PPP2R2B: variants seen among roughly 807,000 people sequenced by gnomAD.
PPP2R2B encodes the protein serine/threonine-protein phosphatase 2A 55 kDa regulatory subunit B beta isoform.
A neutral mutation model predicts 46.0 loss-of-function variants in PPP2R2B; 5 were observed. The ratio of observed to expected loss-of-function variants is 0.11; its 90% confidence interval spans 0.06 to 0.23. The LOEUF (loss-of-function observed/expected upper bound fraction) is 0.23, where lower values mean the gene tolerates loss of function less well. Among genes scored for constraint, PPP2R2B ranks in the 10% least tolerant of loss-of-function variants. The pLI, the probability that PPP2R2B is intolerant of heterozygous loss-of-function variation, is 1.00. For synonymous variants in PPP2R2B, 215 were observed against 206.7 expected (o/e 1.04, Z -0.34); for missense variants, 367 against 575.0 (o/e 0.64, Z 3.70).
intron 2 of PPP2R2B, among the ~76,000 whole-genome samples, chr5:146,814,621 A>C (rs553873634): frequency 1.4e-3 from 220 of 152,332 alleles, no homozygotes; most frequent in African/African-American, 5.1e-3. Context: ...GCAAAATGGC[A>C]GATTACCTCC....
At chr5:146,800,800 A>G (rs1392668552) in intron 2 of PPP2R2B, among the ~76,000 whole-genome samples, 6 of 152,044 alleles carry the variant, frequency 3.9e-5, no homozygotes, top group African/African-American at 1.2e-4. Context: ...CAGGATCTCC[A>G]AGAGAGATCC....
chr5:146,659,487 A>T (rs466409), intron 5 of PPP2R2B, among the ~76,000 whole-genome samples: 1 of 152,004 alleles, frequency 6.6e-6, no homozygotes, highest in Non-Finnish European at 1.5e-5. Context: ...GTCTTTCTTG[A>T]TATCAGTATT....
chr5:146,887,737 C>T (rs1762374833), intron 1 of PPP2R2B, among the ~76,000 whole-genome samples: 1 of 152,088 alleles, frequency 6.6e-6, no homozygotes, highest in Non-Finnish European at 1.5e-5. Context: ...GAGAAGAAGC[C>T]AAATAGCCAG....
intron 5 of PPP2R2B, among the ~76,000 whole-genome samples, chr5:146,672,854 C>T (rs1777458674): frequency 6.6e-6 from 1 of 152,176 alleles, no homozygotes; most frequent in Admixed American, 6.5e-5. Flanking sequence ...AAATGACATT[C>T]TATTCTAGAT....
chr5:146,663,747 G>A (rs1321212351), intron 5 of PPP2R2B, among the ~76,000 whole-genome samples: 1 of 152,134 alleles, frequency 6.6e-6, no homozygotes, highest in Non-Finnish European at 1.5e-5. Flanking sequence ...GCGGGTAGAT[G>A]GTCTTGACTC....
chr5:146,793,100 G>T (rs1756311847), intron 2 of PPP2R2B, among the ~76,000 whole-genome samples: 1 of 152,162 alleles, frequency 6.6e-6, no homozygotes, highest in Non-Finnish European at 1.5e-5. Context: ...ATTAGATTCT[G>T]GGTAGATTTT....
intron 1 of PPP2R2B, among the ~76,000 whole-genome samples, chr5:147,037,676 C>G (rs978764888): frequency 6.6e-6 from 1 of 152,016 alleles, no homozygotes; most frequent in African/African-American, 2.4e-5. Context: ...TGAAAACCAC[C>G]AATACCCTAA....
intron 5 of PPP2R2B, among the ~76,000 whole-genome samples, chr5:146,670,492 T>TTTAG (rs1309984596): frequency 6.6e-6 from 1 of 150,536 alleles, no homozygotes; most frequent in Non-Finnish European, 1.5e-5. Flanking sequence ...TATTTATTTA[T>TTTAG]TTATTTATTT....
chr5:147,050,219 C>T (rs568200970), intron 1 of PPP2R2B, among the ~76,000 whole-genome samples: 17 of 152,290 alleles, frequency 1.1e-4, no homozygotes, highest in African/African-American at 3.6e-4. Context: ...TTTTGTCTTC[C>T]TTAATTCTCA....
intron 2 of PPP2R2B, 62 bp from the exon 3 acceptor site, chr5:146,701,204 A>T: frequency 3.8e-6 from 5 of 1,300,724 alleles, no homozygotes; most frequent in Non-Finnish European, 5.6e-6. Flanking sequence ...AGGATAGATA[A>T]TAGATATACT....
rs190959096 is a variant in PPP2R2B, at chr5:146,602,979, A to C, written c.791-2519T>G. Among the ~76,000 whole-genome samples the C allele has an allele frequency of 9.8e-5, 15 of 152,330 alleles. No individual in the cohort carries two copies. The South Asian group carries it at 1.2e-3, about 13-fold the overall frequency. On this transcript the variant is annotated intron_variant, in intron 7 of 9. Transcript: ENST00000394411. ...GAGGTTTGGAAATTCCAAGTAAAAC[A>C]CCTGATCCAGAGGCAGTAAAGTGGA...
intron 9 of PPP2R2B, chr5:146,592,343 T>C: frequency 4.6e-6 from 1 of 215,974 alleles, no homozygotes; most frequent in Non-Finnish European, 9.6e-6. Flanking sequence ...ACACTATTAT[T>C]GGTGCCACCT....
intron 1 of PPP2R2B, among the ~76,000 whole-genome samples, chr5:147,011,358 T>C (rs532317979): frequency 4.5e-4 from 69 of 152,248 alleles, no homozygotes; most frequent in South Asian, 1.2e-3. Context: ...CTTTTGTCTG[T>C]AAAAATTATC....
chr5:146,884,414 T>C (rs114370352), intron 1 of PPP2R2B, among the ~76,000 whole-genome samples: 3 of 152,304 alleles, frequency 2.0e-5, no homozygotes, highest in Non-Finnish European at 2.9e-5. Context: ...TTGTGAGTAA[T>C]TGCTTTTATA....
At chr5:146,983,631 C>T (rs948352175) in intron 1 of PPP2R2B, among the ~76,000 whole-genome samples, 10 of 152,106 alleles carry the variant, frequency 6.6e-5, no homozygotes, top group African/African-American at 2.4e-4. Context: ...TTTATTGTCC[C>T]CCATTTATAA....
At chr5:146,657,836 G>GTC (rs1776433836) in intron 5 of PPP2R2B, among the ~76,000 whole-genome samples, 1 of 152,118 alleles carries the variant, frequency 6.6e-6, no homozygotes, top group South Asian at 2.1e-4. Context: ...CCTTGTTAGT[G>GTC]TTCAACAGAT....
At chr5:146,604,605 C>A (rs1304027479) in intron 7 of PPP2R2B, among the ~76,000 whole-genome samples, 1 of 152,144 alleles carries the variant, frequency 6.6e-6, no homozygotes, top group African/African-American at 2.4e-5. Flanking sequence ...GTCTTGGAGA[C>A]CCCAATAGTA....
At chr5:146,769,975 G>A (rs187324797) in intron 2 of PPP2R2B, among the ~76,000 whole-genome samples, 1 of 152,032 alleles carries the variant, frequency 6.6e-6, no homozygotes, top group East Asian at 1.9e-4. Flanking sequence ...TTATCAAAAC[G>A]ATGTTTGTCA....
chr5:146,853,420 G>T (rs927751077), intron 2 of PPP2R2B, among the ~76,000 whole-genome samples: 1 of 152,140 alleles, frequency 6.6e-6, no homozygotes, highest in East Asian at 1.9e-4. Flanking sequence ...GTATAGTAAT[G>T]GTGCAAAACA....
Sources: gnomAD v4.1 joint callset for allele counts (sites outside exome capture counted in the v4.1 genomes callset) on GRCh38, gnomAD v4.1.1 for gene constraint, MANE v1.5 for transcripts, NCBI Gene and HGNC (gene_info 2026-07-23, HGNC 2026-07-21) for gene names.